The following TMTC2 variants were observed in gnomAD, a reference collection of about 807,000 sequenced individuals.
TMTC2 encodes the protein protein O-mannosyl-transferase TMTC2.
A neutral mutation model predicts 82.4 loss-of-function variants in TMTC2; 43 were observed. The ratio of observed to expected loss-of-function variants is 0.52; its 90% CI spans 0.41 to 0.67. The LOEUF is 0.67. TMTC2 is among the 30% of genes least tolerant of loss of function. The probability of loss-of-function intolerance (pLI) is 0.00; values close to 1 mark genes in which losing one functional copy is unlikely to be tolerated. For missense variants in TMTC2, 919 were observed against 1,012.4 expected (o/e 0.91, Z 1.25); for synonymous variants, 408 against 381.9 (o/e 1.07, Z -0.80).
intron 8 of TMTC2, among the ~76,000 whole-genome samples, chr12:82,988,303 T>A: frequency 6.6e-6 from 1 of 152,050 alleles, no homozygotes; most frequent in Non-Finnish European, 1.5e-5. Flanking sequence ...TGGAATGGGA[T>A]AACAATGAAA....
chr12:82,980,303 A>G (rs1388855640), intron 7 of TMTC2, among the ~76,000 whole-genome samples: 1 of 151,848 alleles, frequency 6.6e-6, no homozygotes, highest in African/African-American at 2.4e-5. Flanking sequence ...GTGCTCATTA[A>G]AAGAAAAATG....
intron 1 of TMTC2, among the ~76,000 whole-genome samples, chr12:82,764,744 G>C (rs962580072): frequency 2.0e-5 from 3 of 150,692 alleles, no homozygotes; most frequent in African/African-American, 4.9e-5. Flanking sequence ...AATTTTAAAG[G>C]GGAAAGGGTG....
chr12:83,121,238 A>C (rs747606745), intron 11 of TMTC2, among the ~76,000 whole-genome samples: 4 of 152,110 alleles, frequency 2.6e-5, no homozygotes, highest in African/African-American at 4.8e-5. Flanking sequence ...TTGTTTTGTC[A>C]TATTACCAGA....
At chr12:82,745,431 T>C (rs1002668876) in intron 1 of TMTC2, among the ~76,000 whole-genome samples, 1 of 152,196 alleles carries the variant, frequency 6.6e-6, no homozygotes, top group African/African-American at 2.4e-5. Context: ...TGAAATGTGT[T>C]GACTGAACAG....
chr12:83,014,473 G>A lies in TMTC2; in HGVS notation c.2071-16325G>A, dbSNP rs184552126. On this transcript the variant is annotated intron_variant, in intron 8 of 11. Coordinates refer to ENST00000321196, the MANE Select transcript of TMTC2 (RefSeq NM_152588.3). ...TCCTGCCTCAGCCTCCCGAGTAGCT[G>A]GGACTACAGGCGTCCGCCACCACAC... 6.5e-4 allele frequency among the ~76,000 whole-genome samples: 99 copies of A among 152,322 alleles called. 1 individual carries two copies. Among genetic ancestry groups the A allele is most frequent in the African/African-American group, 2.2e-3 (93 of 41,552 alleles).
intron 7 of TMTC2, among the ~76,000 whole-genome samples, chr12:82,974,163 G>A (rs1878566380): frequency 6.6e-6 from 1 of 152,086 alleles, no homozygotes; most frequent in Non-Finnish European, 1.5e-5. Context: ...GAGCCCAGGA[G>A]TTCGAGACCA....
In TMTC2 at chr12:82,985,905, A is replaced by G. The variant is rs1295051406; in HGVS notation, c.1949-20A>G. ...AAGCTGTATCCTCCCTTTGACCTTC[A>G]TGATTAATTCTCTTTCCAGGTGAAG... On this transcript the variant is annotated intron_variant, in intron 7 of 11. Coordinates refer to ENST00000321196, the MANE Select transcript of TMTC2 (RefSeq NM_152588.3). 2 of 1,609,732 alleles carry G rather than the reference A, an allele frequency of 1.2e-6. No homozygotes were observed. Among genetic ancestry groups the G allele is most frequent in the Non-Finnish European group, 1.7e-6 (2 of 1,176,738 alleles).
intron 3 of TMTC2, among the ~76,000 whole-genome samples, chr12:82,910,422 T>C (rs1156607906): frequency 6.6e-6 from 1 of 151,564 alleles, no homozygotes; most frequent in Non-Finnish European, 1.5e-5. Flanking sequence ...GCCTAGGGGG[T>C]GAATGTTTAC....
At chr12:82,822,153 G>C (rs1021700786) in intron 1 of TMTC2, among the ~76,000 whole-genome samples, 1 of 152,212 alleles carries the variant, frequency 6.6e-6, no homozygotes, top group Non-Finnish European at 1.5e-5. Flanking sequence ...AATGGTTGCC[G>C]TGAAGGAGGG....
chr12:82,947,556 TC>T (rs1324105908), intron 4 of TMTC2, among the ~76,000 whole-genome samples: 4 of 147,356 alleles, frequency 2.7e-5, no homozygotes, highest in Non-Finnish European at 5.9e-5. Flanking sequence ...GGTCTCGATC[TC>T]CTGACCTGGT....
intron 8 of TMTC2, among the ~76,000 whole-genome samples, chr12:82,999,370 G>A (rs1342061782): frequency 2.6e-5 from 4 of 152,200 alleles, no homozygotes; most frequent in African/African-American, 7.2e-5. Context: ...ATATCTATTA[G>A]CGATGTGACT....
intron 10 of TMTC2, among the ~76,000 whole-genome samples, chr12:83,052,587 A>C (rs1882391893): frequency 6.6e-6 from 1 of 152,176 alleles, no homozygotes; most frequent in South Asian, 2.1e-4. Flanking sequence ...ATTTGCAAGA[A>C]TGGGAAAGCA....
intron 11 of TMTC2, among the ~76,000 whole-genome samples, chr12:83,077,677 C>T (rs536047837): frequency 5.3e-5 from 8 of 152,048 alleles, no homozygotes; most frequent in South Asian, 2.1e-4. Context: ...CGAGTTCAAG[C>T]GATTCTCCTG....
intron 1 of TMTC2, among the ~76,000 whole-genome samples, chr12:82,845,979 G>A (rs78258536): frequency 2.1e-3 from 313 of 148,506 alleles, no homozygotes; most frequent in African/African-American, 7.1e-3. Context: ...TAGAAATTGT[G>A]AAAATGACAG....
chr12:82,974,689 G>A (rs910914948), intron 7 of TMTC2, among the ~76,000 whole-genome samples: 1 of 152,178 alleles, frequency 6.6e-6, no homozygotes, highest in Non-Finnish European at 1.5e-5. Context: ...ACCTGACAGA[G>A]GAGGCTTTGG....
chr12:83,017,358 G>A (rs906162718), intron 8 of TMTC2, among the ~76,000 whole-genome samples: 1 of 152,182 alleles, frequency 6.6e-6, no homozygotes, highest in African/African-American at 2.4e-5. Flanking sequence ...CATTGAAACA[G>A]TGGGCATAGA....
intron 1 of TMTC2, among the ~76,000 whole-genome samples, chr12:82,856,668 C>T (rs181944833): frequency 3.3e-5 from 5 of 152,298 alleles, no homozygotes; most frequent in Admixed American, 6.5e-5. Flanking sequence ...GGCCCAGCCT[C>T]GATCTGGAAT....
chr12:82,729,032 C>T (rs779725891), intron 1 of TMTC2, among the ~76,000 whole-genome samples: 42 of 152,212 alleles, frequency 2.8e-4, no homozygotes, highest in Admixed American at 3.9e-4. Context: ...CTGCGTGGCC[C>T]GAGCCTCCCC....
intron 1 of TMTC2, among the ~76,000 whole-genome samples, chr12:82,791,570 A>T (rs1245402506): frequency 6.6e-6 from 1 of 152,136 alleles, no homozygotes. Context: ...CCACTGCAAG[A>T]TAACTTTTCC....
Sources: gnomAD v4.1 joint callset for allele counts (sites outside exome capture counted in the v4.1 genomes callset) on GRCh38, gnomAD v4.1.1 for gene constraint, MANE v1.5 for transcripts, NCBI Gene and HGNC (gene_info 2026-07-23, HGNC 2026-07-21) for gene names.